TENT2: variants seen among roughly 807,000 people sequenced by gnomAD.
TENT2 encodes poly(A) RNA polymerase GLD2.
TENT2 carries 44 observed loss-of-function variants against 72.2 expected under a neutral mutation model. The observed-to-expected ratio is 0.61, with a 90% CI of 0.48 to 0.78. The LOEUF is 0.78. Among genes scored for constraint, TENT2 ranks in the 30% least tolerant of loss-of-function variants. TENT2 has a pLI of 0.00. For missense variants in TENT2, 541 were observed against 569.6 expected, an observed-to-expected ratio of 0.95 and a Z score of 0.51; for synonymous variants, 212 against 192.5, an observed-to-expected ratio of 1.10 and a Z score of -0.84.
In TENT2 at chr5:79,613,659, G is replaced by A. The variant is rs1208880788; in HGVS notation, c.-38+584G>A. 2.6e-5 allele frequency among the ~76,000 whole-genome samples: 4 copies of A among 152,162 alleles called. No homozygotes were observed. In the East Asian group the frequency reaches 5.8e-4, roughly 22 times the overall value. On this transcript the variant is annotated intron_variant, in intron 1 of 14. Transcript: ENST00000453514. Reference sequence around the variant, plus strand: ...CTGTTCTGGAAATGTCCTGTAACAGGTTCCATGTGAAATAGGCCGTTTATG... The same window carrying A: ...CTGTTCTGGAAATGTCCTGTAACAGATTCCATGTGAAATAGGCCGTTTATG...
chr5:79,645,132 T>G lies in TENT2; in HGVS notation c.761T>G (p.Ile254Ser). The G allele has an allele frequency of 6.2e-7, 1 of 1,604,108 alleles. No homozygotes were observed. The highest frequency in any genetic ancestry group is 8.5e-7 in the Non-Finnish European group (1 of 1,175,676). Residue 254 changes from isoleucine (I) to serine (S), a missense_variant, in exon 8 of 15, where the codon ATT becomes AGT. Transcript: ENST00000453514. ...ATCTTTTGTCTTTCAGCGGGCTACATTGAGAGACCTCAGCTGATTCGAGCA... is the reference window on the plus strand; with the variant it reads ...ATCTTTTGTCTTTCAGCGGGCTACAGTGAGAGACCTCAGCTGATTCGAGCA... ...KHFCTRLSGYIERPQLIRAKV... is the reference protein window; with the variant it reads ...KHFCTRLSGYSERPQLIRAKV...
At position 79,669,004 on chromosome 5, in the gene TENT2, T is replaced by A. The variant is rs984947223; in HGVS notation, c.1184T>A (p.Leu395His). The change falls in exon 12 of 15, where the codon CTT becomes CAT. Residue 395 changes from leucine (L) to histidine (H), a missense_variant. Physicochemically the swap from Leu to His is moderately conservative, Grantham distance 99. Transcript: ENST00000453514. ...SNLGDLLLGF[L>H]KYYATEFDWN... Reference sequence around the variant, plus strand: ...CTTGGGGACCTCTTACTGGGCTTTCTTAAATATTATGCTACAGAATTTGAG... The same window carrying A: ...CTTGGGGACCTCTTACTGGGCTTTCATAAATATTATGCTACAGAATTTGAG... 1 of 1,613,692 alleles carries A rather than the reference T, an allele frequency of 6.2e-7. No homozygotes were observed. The highest frequency in any genetic ancestry group is 1.7e-5 in the Admixed American group (1 of 59,984).
intron 11 of TENT2, among the ~76,000 whole-genome samples, chr5:79,666,997 T>C (rs143969241): frequency 6.6e-6 from 1 of 151,008 alleles, no homozygotes; most frequent in African/African-American, 2.5e-5. Context: ...ACCTGACTCT[T>C]TGTGTGTGAC....
intron 11 of TENT2, among the ~76,000 whole-genome samples, chr5:79,662,387 G>A (rs925796803): frequency 1.3e-5 from 2 of 152,120 alleles, no homozygotes; most frequent in African/African-American, 4.8e-5. Flanking sequence ...CTAGAATGAT[G>A]ACTCCTTTCC....
At chr5:79,655,512 T>TATTC (rs1300101150) in intron 10 of TENT2, among the ~76,000 whole-genome samples, 5 of 152,050 alleles carry the variant, frequency 3.3e-5, no homozygotes, top group Non-Finnish European at 5.9e-5. Flanking sequence ...TTCAAGTTTT[T>TATTC]AAGTAAGCTA....
chr5:79,685,181 T>A lies in TENT2; in HGVS notation c.1381-18T>A. ...CATAAATTTTAGGTTTTAAGAATGA[T>A]TTTTCTTTCTCTCCCAGTCATGGCA... On this transcript the variant is annotated intron_variant, in intron 14 of 14. Coordinates refer to ENST00000453514, the MANE Select transcript of TENT2 (RefSeq NM_001114394.3). 6.3e-7 allele frequency: 1 copy of A among 1,579,800 alleles called. No homozygotes were observed. The highest frequency in any genetic ancestry group is 2.3e-5 in the East Asian group (1 of 44,092).
At position 79,685,609 on chromosome 5, in the gene TENT2, A is replaced by C; in HGVS notation, c.*336A>C. ...TAATTGTACCACATGCTAATCCTGA[A>C]GAGATGTGTAGAATTTTGGAAAGGG... On this transcript the variant is annotated 3_prime_UTR_variant, in exon 15 of 15. Transcript: ENST00000453514. 5.5e-6 allele frequency: 1 copy of C among 181,804 alleles called. No homozygotes were observed. Among genetic ancestry groups the C allele is most frequent in the Non-Finnish European group, 1.1e-5 (1 of 88,078 alleles). The allele number at this position is 181,804 out of a possible 1,614,324, so 11.3% of individuals were successfully genotyped here.
chr5:79,683,946 A>C (rs1056451644), intron 14 of TENT2, among the ~76,000 whole-genome samples: 36 of 150,574 alleles, frequency 2.4e-4, no homozygotes, highest in Admixed American at 5.9e-4. Context: ...AAAAAAAAAA[A>C]AAAAAAGAAA....
At chr5:79,651,605 G>C (rs539431021) in intron 10 of TENT2, among the ~76,000 whole-genome samples, 1 of 151,888 alleles carries the variant, frequency 6.6e-6, no homozygotes, top group African/African-American at 2.4e-5. Context: ...CACACATTTT[G>C]ATTTTTTTTG....
chr5:79,626,835 G>A (rs192385850), intron 4 of TENT2, among the ~76,000 whole-genome samples: 19 of 151,140 alleles, frequency 1.3e-4, no homozygotes, highest in Admixed American at 1.3e-4. Flanking sequence ...TTGAATGAAC[G>A]TATAAGAACC....
rs902100455 is a variant in TENT2 at position 79,625,961 on chromosome 5, T to G, written c.465+2472T>G. On this transcript the variant is annotated intron_variant, in intron 4 of 14. Transcript: ENST00000453514. ...CTCCTGCTTCCGCCTCCTGAGTAGC[T>G]GGGATTACAGGTGTGTGCCACCACG... is the stretch of plus-strand genomic sequence containing the variant. Among the ~76,000 whole-genome samples the G allele has an allele frequency of 1.8e-4, 27 of 151,706 alleles. 1 individual carries two copies. Among genetic ancestry groups the G allele is most frequent in the African/African-American group, 6.5e-4 (27 of 41,280 alleles).
chr5:79,636,812 G>A (rs759783883), intron 4 of TENT2, among the ~76,000 whole-genome samples: 3 of 152,068 alleles, frequency 2.0e-5, no homozygotes, highest in Admixed American at 1.3e-4. Context: ...ACATCTCTTG[G>A]TACATAGATT....
chr5:79,635,798 C>T (rs978341030), intron 4 of TENT2, among the ~76,000 whole-genome samples: 9 of 152,236 alleles, frequency 5.9e-5, no homozygotes, highest in Non-Finnish European at 8.8e-5. Flanking sequence ...TCCGGCAGTC[C>T]GCCCACCTTG....
rs1490946494 is a variant in TENT2 at position 79,641,020 on chromosome 5, TTA to T, written c.580+57_580+58del. On this transcript the variant is annotated intron_variant, in intron 5 of 14. Coordinates refer to ENST00000453514, the MANE Select transcript of TENT2 (RefSeq NM_001114394.3). ...GGTATATGCATTCCTATTTTAAATT[TTA>T]TCTTTTTTTTTTTTAATAGGCACAG... 10 of 1,500,766 alleles carry T rather than the reference TTA, an allele frequency of 6.7e-6. No individual in the cohort carries two copies. The African/African-American group carries it at 1.4e-4, about 21-fold the overall frequency. 93.0% of individuals were successfully genotyped at this position (1,500,766 alleles called of 1,614,324 possible).
intron 6 of TENT2, 93 bp from the exon 7 acceptor site, chr5:79,642,739 C>A: frequency 2.1e-6 from 2 of 952,472 alleles, no homozygotes; most frequent in Non-Finnish European, 3.2e-6. Flanking sequence ...GAAAGTATAT[C>A]TTGTATGTTT....
At chr5:79,675,655 C>T (rs138691965) in intron 12 of TENT2, among the ~76,000 whole-genome samples, 1 of 152,186 alleles carries the variant, frequency 6.6e-6, no homozygotes, top group African/African-American at 2.4e-5. Context: ...GTGTTTCAGC[C>T]AACTAAGTTC....
intron 4 of TENT2, among the ~76,000 whole-genome samples, chr5:79,631,699 G>A (rs1464597189): frequency 3.3e-5 from 5 of 152,148 alleles, no homozygotes; most frequent in African/African-American, 9.7e-5. Context: ...TGGTAAGGTG[G>A]GAGAAACTCT....
intron 12 of TENT2, among the ~76,000 whole-genome samples, chr5:79,672,794 C>A (rs1380474250): frequency 1.3e-5 from 2 of 152,152 alleles, no homozygotes; most frequent in African/African-American, 4.8e-5. Context: ...TCTTCAGTAT[C>A]CTGATTTTCT....
chr5:79,643,294 G>A (rs1307486313), intron 7 of TENT2, among the ~76,000 whole-genome samples: 2 of 152,078 alleles, frequency 1.3e-5, no homozygotes, highest in Non-Finnish European at 2.9e-5. Context: ...AATTTCATCT[G>A]GCTTGCAATG....
Sources: gnomAD v4.1 joint callset for allele counts (sites outside exome capture counted in the v4.1 genomes callset) on GRCh38, gnomAD v4.1.1 for gene constraint, MANE v1.5 for transcripts, NCBI Gene and HGNC (gene_info 2026-07-23, HGNC 2026-07-21) for gene names.